The following SCHIP1 variants were observed in gnomAD, a reference collection of about 807,000 sequenced individuals.
SCHIP1 encodes the protein schwannomin-interacting protein 1.
A neutral mutation model predicts 29.7 loss-of-function variants in SCHIP1; 8 were observed. That is an observed-to-expected ratio of 0.27 (90% confidence interval 0.16 to 0.49). The LOEUF is 0.49. SCHIP1 is among the 20% of genes least tolerant of loss of function. The pLI is 0.99. For missense variants in SCHIP1, 193 were observed against 294.6 expected, an observed-to-expected ratio of 0.66 and a Z score of 2.52; for synonymous variants, 76 against 94.9, an observed-to-expected ratio of 0.80 and a Z score of 1.16.
At chr3:159,568,182 C>T in the SCHIP1 span, among the ~76,000 whole-genome samples, 2 of 152,000 alleles carry the variant, frequency 1.3e-5, no homozygotes, top group African/African-American at 4.8e-5. Context: ...CTTATTAACT[C>T]TAATAATTTT....
the SCHIP1 span, among the ~76,000 whole-genome samples, chr3:159,348,497 T>TA: frequency 6.6e-6 from 1 of 152,170 alleles, no homozygotes; most frequent in Non-Finnish European, 1.5e-5. Context: ...TCGTACTTTT[T>TA]ATATTAGTTT....
the SCHIP1 span, among the ~76,000 whole-genome samples, chr3:159,611,897 C>T: frequency 6.6e-6 from 1 of 152,044 alleles, no homozygotes; most frequent in Non-Finnish European, 1.5e-5. Flanking sequence ...CGGTGTCTTT[C>T]TCCTTGACCC....
chr3:159,299,873 G>A, the SCHIP1 span, among the ~76,000 whole-genome samples: 3 of 152,214 alleles, frequency 2.0e-5, no homozygotes, highest in East Asian at 5.8e-4. Flanking sequence ...ATACACTTAA[G>A]CATTCCTGTG....
At chr3:159,507,502 G>A in the SCHIP1 span, among the ~76,000 whole-genome samples, 1 of 152,114 alleles carries the variant, frequency 6.6e-6, no homozygotes, top group African/African-American at 2.4e-5. Context: ...TCCAGCACTA[G>A]GTTGAATAGG....
chr3:159,758,214 G>A, the SCHIP1 span, among the ~76,000 whole-genome samples: 108,478 of 151,976 alleles, frequency 0.71, 39,269 homozygotes, highest in Middle Eastern at 0.9. Flanking sequence ...ATGCAGTGGC[G>A]CAATCTTGGC....
At chr3:159,304,133 A>G in the SCHIP1 span, among the ~76,000 whole-genome samples, 2 of 151,488 alleles carry the variant, frequency 1.3e-5, no homozygotes, top group Non-Finnish European at 2.9e-5. Context: ...TGTTCTTGCG[A>G]TAGTTTACTG....
At chr3:159,422,817 G>A in the SCHIP1 span, among the ~76,000 whole-genome samples, 1 of 152,008 alleles carries the variant, frequency 6.6e-6, no homozygotes, top group East Asian at 1.9e-4. Flanking sequence ...CATTGTGTGG[G>A]TATACCAAAA....
intron 1 of SCHIP1, among the ~76,000 whole-genome samples, chr3:159,844,889 T>G (rs1219610903): frequency 2.0e-5 from 3 of 152,206 alleles, no homozygotes; most frequent in African/African-American, 7.2e-5. Flanking sequence ...GAATGGAGAC[T>G]TGAAGAAGAA....
the SCHIP1 span, among the ~76,000 whole-genome samples, chr3:159,458,031 T>C: frequency 6.6e-6 from 1 of 152,302 alleles, no homozygotes; most frequent in South Asian, 2.1e-4. Flanking sequence ...TAGCAATTAA[T>C]AAAACTTTTG....
At chr3:159,539,048 T>A in the SCHIP1 span, among the ~76,000 whole-genome samples, 1 of 152,072 alleles carries the variant, frequency 6.6e-6, no homozygotes, top group Non-Finnish European at 1.5e-5. Flanking sequence ...TCCCTACAAA[T>A]GGCTAATAGT....
chr3:159,530,503 T>A, the SCHIP1 span, among the ~76,000 whole-genome samples: 1 of 152,196 alleles, frequency 6.6e-6, no homozygotes, highest in African/African-American at 2.4e-5. Flanking sequence ...TCCTTACTTC[T>A]ATAATTTCTT....
chr3:159,756,199 G>T, the SCHIP1 span, among the ~76,000 whole-genome samples: 1 of 152,202 alleles, frequency 6.6e-6, no homozygotes, highest in Non-Finnish European at 1.5e-5. Context: ...CTCCATGAGG[G>T]CCCCACCCTT....
chr3:159,692,359 C>A, the SCHIP1 span, among the ~76,000 whole-genome samples: 1 of 150,798 alleles, frequency 6.6e-6, no homozygotes, highest in African/African-American at 2.5e-5. Flanking sequence ...TTCAGGTACA[C>A]CAATTAGACG....
the SCHIP1 span, among the ~76,000 whole-genome samples, chr3:159,284,563 A>G: frequency 2.0e-5 from 3 of 152,174 alleles, no homozygotes; most frequent in Non-Finnish European, 4.4e-5. Flanking sequence ...ATCTCAGCTC[A>G]GGGCAACCTC....
the SCHIP1 span, chr3:159,274,985 A>G: frequency 1.8e-3 from 1,770 of 983,406 alleles, 61 homozygotes; most frequent in Admixed American, 0.066. Context: ...ATAATTTCCA[A>G]GTGAATTACT....
chr3:159,777,058 G>A, the SCHIP1 span, among the ~76,000 whole-genome samples: 1 of 152,182 alleles, frequency 6.6e-6, no homozygotes, highest in Non-Finnish European at 1.5e-5. Flanking sequence ...GTCAGGAGAA[G>A]CCCAAGATCC....
At chr3:159,610,011 C>T in the SCHIP1 span, among the ~76,000 whole-genome samples, 9 of 152,116 alleles carry the variant, frequency 5.9e-5, no homozygotes, top group Non-Finnish European at 1.3e-4. Context: ...CTATACTAAG[C>T]ATTATTTTGC....
At chr3:159,302,225 C>CTA in the SCHIP1 span, among the ~76,000 whole-genome samples, 1 of 152,116 alleles carries the variant, frequency 6.6e-6, no homozygotes, top group Non-Finnish European at 1.5e-5. Context: ...TGCTTCAACC[C>CTA]TATGTTCTAT....
At chr3:159,525,248 C>A in the SCHIP1 span, among the ~76,000 whole-genome samples, 1 of 152,154 alleles carries the variant, frequency 6.6e-6, no homozygotes, top group African/African-American at 2.4e-5. Flanking sequence ...TTCTAATACA[C>A]GATATTTCTC....
Sources: gnomAD v4.1 joint callset for allele counts (sites outside exome capture counted in the v4.1 genomes callset) on GRCh38, gnomAD v4.1.1 for gene constraint, MANE v1.5 for transcripts, NCBI Gene and HGNC (gene_info 2026-07-23, HGNC 2026-07-21) for gene names.